NAV3: variants seen among roughly 807,000 people sequenced by gnomAD.
NAV3 encodes the protein neuron navigator 3.
A neutral mutation model predicts 244.7 loss-of-function variants in NAV3; 87 were observed. The observed-to-expected ratio is 0.36, with a 90% CI of 0.30 to 0.42. The LOEUF (loss-of-function observed/expected upper bound fraction) is 0.42, where lower values mean the gene tolerates loss of function less well. NAV3 is among the 20% of genes least tolerant of loss of function. The pLI, the probability that NAV3 is intolerant of heterozygous loss-of-function variation, is 1.00. For missense variants in NAV3, 2,663 were observed against 2,893.3 expected (o/e 0.92, Z 1.83); for synonymous variants, 1,126 against 1,042.2 (o/e 1.08, Z -1.55).
intron 8 of NAV3, among the ~76,000 whole-genome samples, chr12:78,021,074 G>A (rs999946615): frequency 1.1e-4 from 16 of 152,142 alleles, no homozygotes; most frequent in Non-Finnish European, 2.2e-4. Context: ...CATGAAGTAT[G>A]ATTAGAATAT....
upstream of NAV3, among the ~76,000 whole-genome samples, chr12:77,830,177 G>A (rs575845237): frequency 2.0e-5 from 3 of 152,310 alleles, no homozygotes; most frequent in African/African-American, 7.2e-5. Flanking sequence ...ATGGATGGAA[G>A]CATCATCATT....
Position 78,122,299 on chromosome 12 carries a change from A to C in NAV3, c.4109A>C (p.His1370Pro), listed in dbSNP as rs2138699980. ...AGCTACCAGTCCATGACTAGCCTCC[A>C]CACGAGCTCTGAGTCCATTGACCTC... ...TPSYQSMTSL[H>P]TSSESIDLPL... is the part of the protein sequence containing the mutation. Residue 1370 changes from histidine to proline, a missense_variant, in exon 16 of 40, where the codon CAC becomes CCC. By Grantham distance (77) the His-to-Pro change is moderately conservative (BLOSUM62 -2). This residue lies in a region of NAV3 where 354 missense variants were observed against 413.0 expected (regional missense o/e 0.86). Coordinates refer to ENST00000397909, the MANE Select transcript of NAV3 (RefSeq NM_001024383.2). 1 of 1,614,184 alleles carries C rather than the reference A, an allele frequency of 6.2e-7. No individual in the cohort carries two copies.
chr12:77,685,548 C>G (rs947509096), intron 2 of NAV3, among the ~76,000 whole-genome samples: 1 of 150,886 alleles, frequency 6.6e-6, no homozygotes, highest in Admixed American at 6.6e-5. Context: ...CCATTTATAT[C>G]TTTTTGCTTC....
rs117180518 is a variant in NAV3 at position 77,578,347 on chromosome 12, G to A, written c.72+6081G>A. 9.0e-3 allele frequency among the ~76,000 whole-genome samples: 1,374 copies of A among 152,238 alleles called. 9 individuals are homozygous for A. Among genetic ancestry groups the A allele is most frequent in the Non-Finnish European group, 0.014 (919 of 68,006 alleles). ...CCCTTGCCCTACAGACAGTTTCTGA[G>A]AGCACCCCAGGAGGATTAAGTTTTA... is the stretch of plus-strand genomic sequence containing the variant. On this transcript the variant is annotated intron_variant, in intron 2 of 8. Coordinates refer to the NAV3 transcript ENST00000550042.
At chr12:77,679,545 TA>T (rs112744520) in intron 2 of NAV3, among the ~76,000 whole-genome samples, 11,631 of 147,844 alleles carry the variant, frequency 0.079, 742 homozygotes, top group African/African-American at 0.17. Flanking sequence ...AGAGGACAGT[TA>T]AAAAAAAAAA....
intron 1 of NAV3, among the ~76,000 whole-genome samples, chr12:77,902,693 A>T (rs1284322299): frequency 1.3e-5 from 2 of 152,168 alleles, no homozygotes; most frequent in Non-Finnish European, 2.9e-5. Context: ...GGAAAAGAGG[A>T]AGTCAAATTG....
intron 5 of NAV3, among the ~76,000 whole-genome samples, chr12:77,975,036 T>C (rs1868283479): frequency 6.6e-6 from 1 of 152,188 alleles, no homozygotes; most frequent in Non-Finnish European, 1.5e-5. Flanking sequence ...TAATTAAATA[T>C]ATGAAAATAA....
At chr12:78,171,224 A>G (rs577201108) in intron 24 of NAV3, among the ~76,000 whole-genome samples, 2 of 151,830 alleles carry the variant, frequency 1.3e-5, no homozygotes, top group East Asian at 3.9e-4. Flanking sequence ...AAATTACTGC[A>G]TATTTAAAGC....
At chr12:77,978,610 T>C (rs2136239419) in intron 5 of NAV3, among the ~76,000 whole-genome samples, 1 of 152,226 alleles carries the variant, frequency 6.6e-6, no homozygotes, top group East Asian at 1.9e-4. Context: ...TCAATAGCTA[T>C]TGAATTTATT....
chr12:77,853,353 A>T (rs1380735522), intron 1 of NAV3, among the ~76,000 whole-genome samples: 1 of 152,188 alleles, frequency 6.6e-6, no homozygotes, highest in Admixed American at 6.5e-5. Context: ...GTAGATAGAA[A>T]TTTTTTAAAC....
At chr12:78,139,060 C>T (rs577614694) in intron 19 of NAV3, among the ~76,000 whole-genome samples, 90 of 151,966 alleles carry the variant, frequency 5.9e-4, no homozygotes, top group African/African-American at 2.1e-3. Context: ...CAGGGTAACA[C>T]TTTAGTTTAC....
intron 2 of NAV3, among the ~76,000 whole-genome samples, chr12:77,786,048 C>G (rs1213656341): frequency 6.6e-6 from 1 of 152,142 alleles, no homozygotes; most frequent in Admixed American, 6.5e-5. Flanking sequence ...ATCAAATTCT[C>G]TCACCTAAGC....
chr12:77,727,272 C>T (rs1350899218), intron 2 of NAV3, among the ~76,000 whole-genome samples: 1 of 151,740 alleles, frequency 6.6e-6, no homozygotes, highest in African/African-American at 2.4e-5. Flanking sequence ...CATGGAGGTT[C>T]CAGTGAGAAG....
intron 2 of NAV3, among the ~76,000 whole-genome samples, chr12:77,640,776 G>A (rs1872374703): frequency 6.6e-6 from 1 of 152,108 alleles, no homozygotes; most frequent in Non-Finnish European, 1.5e-5. Flanking sequence ...AAAGGAAGAA[G>A]CTGAGACACA....
intron 33 of NAV3, among the ~76,000 whole-genome samples, chr12:78,189,590 A>G (rs981002110): frequency 6.6e-6 from 1 of 151,280 alleles, no homozygotes; most frequent in Non-Finnish European, 1.5e-5. Flanking sequence ...GTGTGTGTAT[A>G]TAATCTTCAC....
chr12:77,824,579 C>T (rs1292965513), intron 2 of NAV3, among the ~76,000 whole-genome samples: 1 of 151,804 alleles, frequency 6.6e-6, no homozygotes, highest in African/African-American at 2.4e-5. Context: ...CATAACACAA[C>T]CTGAACAAAA....
rs993021367 is a variant in NAV3 at position 78,122,549 on chromosome 12, C to T, written c.4238+121C>T. 6 of 1,227,664 alleles carry T rather than the reference C, an allele frequency of 4.9e-6. No homozygotes were observed. In the African/African-American group the frequency reaches 9.1e-5, roughly 19 times the overall value. The allele number at this position is 1,227,664 out of a possible 1,614,324, so 76.0% of individuals were successfully genotyped here. A position where few individuals can be genotyped will look rare whatever the true frequency, so the allele number is the denominator to read the frequency against. Reference sequence around the variant, plus strand: ...TGCCCCGGTGCAAAAAGATGTAAGACTGATGAAACCGGGCCTTTCATTTGC... The same window carrying T: ...TGCCCCGGTGCAAAAAGATGTAAGATTGATGAAACCGGGCCTTTCATTTGC... On this transcript the variant is annotated intron_variant, in intron 16 of 39. Transcript: ENST00000397909.
At chr12:77,722,311 G>T (rs1026854341) in intron 2 of NAV3, among the ~76,000 whole-genome samples, 1 of 152,018 alleles carries the variant, frequency 6.6e-6, no homozygotes, top group Admixed American at 6.6e-5. Flanking sequence ...AGGAAAAGAT[G>T]AATTCAGGGT....
intron 5 of NAV3, among the ~76,000 whole-genome samples, chr12:77,989,096 T>G (rs1488063157): frequency 6.6e-6 from 1 of 152,160 alleles, no homozygotes; most frequent in Non-Finnish European, 1.5e-5. Flanking sequence ...GATTTGATAT[T>G]TCTGTCCTCC....
Sources: gnomAD v4.1 joint callset for allele counts (sites outside exome capture counted in the v4.1 genomes callset) on GRCh38, gnomAD v4.1.1 for gene constraint, gnomAD v4.1.1 regional missense constraint, MANE v1.5 for transcripts, NCBI Gene and HGNC (gene_info 2026-07-23, HGNC 2026-07-21) for gene names.